The following UBE2G1 variants were observed in gnomAD, a reference collection of about 807,000 sequenced individuals.
UBE2G1 encodes ubiquitin conjugating enzyme E2 G1, also known as ubiquitin-conjugating enzyme E2 G1.
Under a neutral mutation model 22.7 loss-of-function variants are expected in UBE2G1, and 5 were observed. That is an observed-to-expected ratio of 0.22 (90% CI 0.12 to 0.46). The LOEUF is 0.46. Among genes scored for constraint, UBE2G1 ranks in the 20% least tolerant of loss-of-function variants. The pLI, the probability that UBE2G1 is intolerant of heterozygous loss-of-function variation, is 0.99. For missense variants in UBE2G1, 88 were observed against 203.9 expected (o/e 0.43, Z 3.46); for synonymous variants, 74 against 67.5 (o/e 1.10, Z -0.47).
At chr17:4,328,743 T>A (rs1329954755) in intron 1 of UBE2G1, among the ~76,000 whole-genome samples, 1 of 152,096 alleles carries the variant, frequency 6.6e-6, no homozygotes, top group Non-Finnish European at 1.5e-5. Flanking sequence ...AAAAACAAAT[T>A]AGGAAATTAT....
At chr17:4,294,915 C>T (rs1258126938) in intron 3 of UBE2G1, among the ~76,000 whole-genome samples, 3 of 145,760 alleles carry the variant, frequency 2.1e-5, no homozygotes, top group Non-Finnish European at 4.5e-5. Flanking sequence ...AAAAAAAGGA[C>T]GGAATGGGAG....
Position 4,366,346 on chromosome 17 carries a change from G to C in UBE2G1, c.-30C>G, listed in dbSNP as rs767862160. ...CCTGCCGAGGGCCCGGGCTGGCGCC[G>C]GGGCTTCCGAAGGGCTGGGGACAGG... On this transcript the variant is annotated 5_prime_UTR_variant, in exon 1 of 6. Coordinates refer to ENST00000396981, the MANE Select transcript of UBE2G1 (RefSeq NM_003342.5). 5 of 1,523,656 alleles carry C rather than the reference G, an allele frequency of 3.3e-6. No homozygotes were observed. The South Asian group carries it at 4.8e-5, about 15-fold the overall frequency. 94.4% of individuals were successfully genotyped at this position (1,523,656 alleles called of 1,614,324 possible). A position where few individuals can be genotyped will look rare whatever the true frequency, so the allele number is the denominator to read the frequency against.
Position 4,344,214 on chromosome 17 carries a change from T to C in UBE2G1, c.46+22057A>G, listed in dbSNP as rs752762772. 3.3e-5 allele frequency among the ~76,000 whole-genome samples: 5 copies of C among 152,164 alleles called. No homozygotes were observed. The South Asian group carries it at 8.3e-4, about 25-fold the overall frequency. On this transcript the variant is annotated intron_variant, in intron 1 of 5. Transcript: ENST00000396981. ...TTAGAGCTGTTAACACTGAGTGTTATACAAAGTAAGTCTGTACCTCAAAGA... is the reference window on the plus strand; with the variant it reads ...TTAGAGCTGTTAACACTGAGTGTTACACAAAGTAAGTCTGTACCTCAAAGA...
At chr17:4,360,579 A>T (rs1031505379) in intron 1 of UBE2G1, among the ~76,000 whole-genome samples, 2 of 152,258 alleles carry the variant, frequency 1.3e-5, no homozygotes, top group Non-Finnish European at 2.9e-5. Flanking sequence ...ACAACTATAT[A>T]TGGAAATATC....
rs528073780 is a variant in UBE2G1 at position 4,314,628 on chromosome 17, C to T, written c.47-7505G>A. On this transcript the variant is annotated intron_variant, in intron 1 of 5. Transcript: ENST00000396981. ...GTTTCTCTCTATAAAAATACTCCAG[C>T]TAAAAAATGAAAAATAACTGAAACA... is the stretch of plus-strand genomic sequence containing the variant. Among the ~76,000 whole-genome samples the T allele has an allele frequency of 1.0e-3, 155 of 152,194 alleles. 1 individual carries two copies. In the Middle Eastern group the frequency reaches 0.021, roughly 20 times the overall value.
chr17:4,349,195 G>A (rs1029079380), intron 1 of UBE2G1, among the ~76,000 whole-genome samples: 6 of 151,714 alleles, frequency 4.0e-5, no homozygotes, highest in East Asian at 2.0e-4. Flanking sequence ...TGGCGCATGC[G>A]TGTAGTCCCA....
At chr17:4,316,246 T>C (rs1347110683) in intron 1 of UBE2G1, among the ~76,000 whole-genome samples, 6 of 152,166 alleles carry the variant, frequency 3.9e-5, no homozygotes, top group Non-Finnish European at 8.8e-5. Flanking sequence ...GTCAAGTTTA[T>C]TTATACAACA....
chr17:4,366,139 C>G, intron 1 of UBE2G1, 132 bp downstream of exon 1: 1 of 954,926 alleles, frequency 1.0e-6, no homozygotes, highest in Non-Finnish European at 1.4e-6. Flanking sequence ...GGACCGGAGC[C>G]TCGAGGTCCC....
chr17:4,354,697 A>AC (rs1969884706), intron 1 of UBE2G1, among the ~76,000 whole-genome samples: 3 of 151,928 alleles, frequency 2.0e-5, no homozygotes, highest in Admixed American at 2.0e-4. Context: ...CACATGGTTC[A>AC]AGGTGGGAGG....
At chr17:4,355,827 A>T (rs1417687768) in intron 1 of UBE2G1, among the ~76,000 whole-genome samples, 1 of 144,038 alleles carries the variant, frequency 6.9e-6, no homozygotes, top group African/African-American at 2.6e-5. Context: ...CAGCCTCCTG[A>T]GTAGCTGGGA....
rs1055387246 is a variant in UBE2G1 at position 4,366,163 on chromosome 17, C to T, written c.46+108G>A. 54 of 1,231,114 alleles carry T rather than the reference C, an allele frequency of 4.4e-5. No homozygotes were observed. In the African/African-American group the frequency reaches 7.7e-4, roughly 17 times the overall value. 76.3% of individuals were successfully genotyped at this position (1,231,114 alleles called of 1,614,324 possible). ...CCTCGAGGTCCCCACCCTCGCAGGC[C>T]CGGGCCCCTTCGGCAGTACGGCCGC... is the stretch of plus-strand genomic sequence containing the variant. On this transcript the variant is annotated intron_variant, in intron 1 of 5. Coordinates refer to ENST00000396981, the MANE Select transcript of UBE2G1 (RefSeq NM_003342.5).
chr17:4,295,468 A>G (rs1262885689), intron 3 of UBE2G1, among the ~76,000 whole-genome samples: 1 of 152,216 alleles, frequency 6.6e-6, no homozygotes, highest in Non-Finnish European at 1.5e-5. Flanking sequence ...CGTATTCCAT[A>G]TCCTTCCGAT....
In UBE2G1 at chr17:4,326,610, G is replaced by T. The variant is rs554552858; in HGVS notation, c.47-19487C>A. 2.6e-5 allele frequency among the ~76,000 whole-genome samples: 4 copies of T among 152,204 alleles called. No individual in the cohort carries two copies. In the East Asian group the frequency reaches 7.7e-4, roughly 29 times the overall value. ...ATATATGCAAAAGAATTAAAGCAGG[G>T]GGTCAAACAGATGTTTGTACACCAA... On this transcript the variant is annotated intron_variant, in intron 1 of 5. Coordinates refer to ENST00000396981, the MANE Select transcript of UBE2G1 (RefSeq NM_003342.5).
intron 1 of UBE2G1, among the ~76,000 whole-genome samples, chr17:4,322,169 A>T (rs1303546611): frequency 6.6e-6 from 1 of 152,256 alleles, no homozygotes; most frequent in Non-Finnish European, 1.5e-5. Flanking sequence ...AAGATGTTCT[A>T]CTCACAAACA....
chr17:4,290,822 T>C (rs1969027034), intron 3 of UBE2G1, among the ~76,000 whole-genome samples: 1 of 149,568 alleles, frequency 6.7e-6, no homozygotes, highest in South Asian at 2.1e-4. Context: ...TCTTACTATA[T>C]TGCCCAGGCT....
intron 1 of UBE2G1, among the ~76,000 whole-genome samples, chr17:4,351,115 C>T (rs1035882961): frequency 6.6e-6 from 1 of 151,396 alleles, no homozygotes; most frequent in Non-Finnish European, 1.5e-5. Flanking sequence ...AGGAGAATCA[C>T]CTCTGCCCAG....
At chr17:4,334,194 T>C (rs1315759552) in intron 1 of UBE2G1, among the ~76,000 whole-genome samples, 1 of 151,860 alleles carries the variant, frequency 6.6e-6, no homozygotes, top group African/African-American at 2.4e-5. Flanking sequence ...TCTAAAGTGC[T>C]GGGATTACAG....
In UBE2G1 at chr17:4,269,574, G is replaced by A. The variant is rs752899976; in HGVS notation, c.*2980C>T. The A allele has an allele frequency of 2.7e-5, 5 of 186,114 alleles. No homozygotes were observed. Among genetic ancestry groups the A allele is most frequent in the African/African-American group, 4.8e-5 (2 of 41,530 alleles). The allele number at this position is 186,114 out of a possible 1,614,324, so 11.5% of individuals were successfully genotyped here. On this transcript the variant is annotated 3_prime_UTR_variant, in exon 6 of 6. Coordinates refer to ENST00000396981, the MANE Select transcript of UBE2G1 (RefSeq NM_003342.5). ...AATCTCACAACCAAGAATGAAGGCC[G>A]TTAAAGATACTGACACCCACGTGAT...
At chr17:4,349,670 C>T (rs1567529608) in intron 1 of UBE2G1, among the ~76,000 whole-genome samples, 1 of 151,802 alleles carries the variant, frequency 6.6e-6, no homozygotes, top group Admixed American at 6.6e-5. Context: ...GGTGAAACCC[C>T]GTCTCTACTA....
Sources: allele counts gnomAD v4.1 joint callset (sites outside exome capture counted in the v4.1 genomes callset), GRCh38; gene constraint gnomAD v4.1.1; transcripts MANE v1.5; gene names NCBI Gene and HGNC (gene_info 2026-07-23, HGNC 2026-07-21).